Variants in CAMK1D observed in about 807,000 individuals in gnomAD.
The protein encoded by CAMK1D is calcium/calmodulin dependent protein kinase ID.
Under a neutral mutation model 47.7 loss-of-function variants are expected in CAMK1D, and 9 were observed. That is an observed-to-expected ratio of 0.19 (90% CI 0.11 to 0.33). CAMK1D has a LOEUF of 0.33. Among genes scored for constraint, CAMK1D ranks in the 10% least tolerant of loss-of-function variants. The pLI, the probability that CAMK1D is intolerant of heterozygous loss-of-function variation, is 1.00. For synonymous variants in CAMK1D, 184 were observed against 184.9 expected, an observed-to-expected ratio of 0.99 and a Z score of 0.04; for missense variants, 291 against 488.7, an observed-to-expected ratio of 0.60 and a Z score of 3.81.
chr10:12,620,211 A>T (rs984258854), intron 2 of CAMK1D, among the ~76,000 whole-genome samples: 42 of 146,560 alleles, frequency 2.9e-4, no homozygotes, highest in Admixed American at 7.6e-4. Flanking sequence ...AAAAAAAAAA[A>T]AAAAAAATAA....
intron 1 of CAMK1D, among the ~76,000 whole-genome samples, chr10:12,461,724 G>C (rs1184912947): frequency 2.0e-5 from 3 of 147,526 alleles, no homozygotes; most frequent in Non-Finnish European, 3.0e-5. Context: ...TTCAAAGTAA[G>C]AATACCCAAA....
intron 1 of CAMK1D, among the ~76,000 whole-genome samples, chr10:12,389,741 G>T (rs560273189): frequency 3.9e-5 from 6 of 152,202 alleles, no homozygotes; most frequent in Admixed American, 1.3e-4. Context: ...TGGACACAGT[G>T]TCCTTGTCAC....
intron 1 of CAMK1D, among the ~76,000 whole-genome samples, chr10:12,435,238 A>G (rs940158669): frequency 2.6e-5 from 4 of 151,266 alleles, no homozygotes; most frequent in African/African-American, 9.7e-5. Context: ...AAAAAAAAAA[A>G]AAAAAAAAGA....
intron 3 of CAMK1D, among the ~76,000 whole-genome samples, chr10:12,671,642 T>TAC (rs775262498): frequency 6.6e-6 from 1 of 151,716 alleles, no homozygotes; most frequent in Non-Finnish European, 1.5e-5. Flanking sequence ...TATACACGTA[T>TAC]ACACACACAC....
chr10:12,567,286 T>A (rs1007042892), intron 2 of CAMK1D, among the ~76,000 whole-genome samples: 7 of 152,190 alleles, frequency 4.6e-5, no homozygotes, highest in Admixed American at 3.9e-4. Flanking sequence ...TCCTGTTTGA[T>A]CCTTTGCTTT....
chr10:12,361,324 G>A (rs1832289046), intron 1 of CAMK1D, among the ~76,000 whole-genome samples: 1 of 147,778 alleles, frequency 6.8e-6, no homozygotes, highest in Non-Finnish European at 1.5e-5. Context: ...TTGGCTCACT[G>A]CAATCTCTGC....
chr10:12,361,185 G>A (rs1009693844), intron 1 of CAMK1D, among the ~76,000 whole-genome samples: 2 of 151,910 alleles, frequency 1.3e-5, no homozygotes, highest in African/African-American at 4.8e-5. Flanking sequence ...AACAATGTTG[G>A]CTTTCTTTGG....
At chr10:12,502,469 C>G (rs960951683) in intron 1 of CAMK1D, among the ~76,000 whole-genome samples, 2 of 152,146 alleles carry the variant, frequency 1.3e-5, no homozygotes, top group African/African-American at 4.8e-5. Flanking sequence ...GCCGCAGGAC[C>G]TGGCCTCTAC....
At chr10:12,573,430 C>T (rs1003596134) in intron 2 of CAMK1D, among the ~76,000 whole-genome samples, 5 of 152,106 alleles carry the variant, frequency 3.3e-5, no homozygotes, top group East Asian at 1.9e-4. Context: ...GTCATTGGCA[C>T]GAAAGTCAGC....
intron 3 of CAMK1D, among the ~76,000 whole-genome samples, chr10:12,713,443 T>C (rs539664054): frequency 6.6e-6 from 1 of 152,278 alleles, no homozygotes; most frequent in Non-Finnish European, 1.5e-5. Flanking sequence ...GGGTGCCCAT[T>C]GCTAACTGGC....
chr10:12,359,508 C>G (rs1160071534), intron 1 of CAMK1D, among the ~76,000 whole-genome samples: 1 of 151,474 alleles, frequency 6.6e-6, no homozygotes, highest in Non-Finnish European at 1.5e-5. Context: ...CAGCCCTCCC[C>G]CTGGGTAGCT....
chr10:12,733,076 T>C (rs891073124), intron 3 of CAMK1D, among the ~76,000 whole-genome samples: 2 of 152,232 alleles, frequency 1.3e-5, no homozygotes, highest in Non-Finnish European at 2.9e-5. Context: ...CTGGTCCAAA[T>C]CTTTGTGCGA....
chr10:12,523,140 C>T (rs1835492541), intron 1 of CAMK1D, among the ~76,000 whole-genome samples: 1 of 151,376 alleles, frequency 6.6e-6, no homozygotes, highest in Non-Finnish European at 1.5e-5. Flanking sequence ...TCCTCACCTC[C>T]CAGACGGGGT....
chr10:12,391,774 G>A (rs1427412070), intron 1 of CAMK1D, among the ~76,000 whole-genome samples: 1 of 152,120 alleles, frequency 6.6e-6, no homozygotes. Flanking sequence ...AAGGAAATTA[G>A]GAAGACTAGA....
chr10:12,682,341 G>A (rs1832478862), intron 3 of CAMK1D, among the ~76,000 whole-genome samples: 1 of 152,138 alleles, frequency 6.6e-6, no homozygotes. Flanking sequence ...GTACAGCAAT[G>A]GAAAGAGATT....
chr10:12,692,107 A>G (rs1832953441), intron 3 of CAMK1D, among the ~76,000 whole-genome samples: 1 of 152,116 alleles, frequency 6.6e-6, no homozygotes, highest in Admixed American at 6.6e-5. Flanking sequence ...AAATGGTTGA[A>G]TTGTTTTTCT....
intron 1 of CAMK1D, among the ~76,000 whole-genome samples, chr10:12,497,754 T>C (rs1232936179): frequency 6.6e-6 from 1 of 150,560 alleles, no homozygotes; most frequent in Non-Finnish European, 1.5e-5. Context: ...GGTGATTAGA[T>C]TGGAAAGTCC....
chr10:12,524,457 C>T (rs11599205), intron 1 of CAMK1D, among the ~76,000 whole-genome samples: 10,707 of 152,040 alleles, frequency 0.07, 460 homozygotes, highest in East Asian at 0.18. Context: ...CCTGTAATCC[C>T]AGTACTTTGG....
chr10:12,739,931 C>G (rs770952825), intron 3 of CAMK1D, among the ~76,000 whole-genome samples: 2 of 152,158 alleles, frequency 1.3e-5, no homozygotes, highest in Non-Finnish European at 2.9e-5. Flanking sequence ...TACAGTTGCA[C>G]AAATATTTTT....
Sources: gnomAD v4.1 joint callset for allele counts (sites outside exome capture counted in the v4.1 genomes callset) on GRCh38, gnomAD v4.1.1 for gene constraint, MANE v1.5 for transcripts, NCBI Gene and HGNC (gene_info 2026-07-23, HGNC 2026-07-21) for gene names.